TMEM222: variants seen among roughly 807,000 people sequenced by gnomAD.
TMEM222 encodes transmembrane protein 222, also known as chromosome 1 open reading frame 160.
TMEM222 carries 18 observed loss-of-function variants against 25.1 expected under a neutral mutation model. The observed-to-expected ratio is 0.72, with a 90% CI of 0.50 to 1.06. TMEM222 has a LOEUF of 1.06. TMEM222 is among the 50% of genes least tolerant of loss of function. The probability of loss-of-function intolerance (pLI) is 0.00; values close to 1 mark genes in which losing one functional copy is unlikely to be tolerated. For synonymous variants in TMEM222, 131 were observed against 117.9 expected, an observed-to-expected ratio of 1.11 and a Z score of -0.72; for missense variants, 296 against 293.7, an observed-to-expected ratio of 1.01 and a Z score of -0.06.
At chr1:27,325,066 A>G (rs1255730328) in intron 1 of TMEM222, among the ~76,000 whole-genome samples, 2 of 152,142 alleles carry the variant, frequency 1.3e-5, no homozygotes, top group African/African-American at 4.8e-5. Context: ...CCATCGTAGT[A>G]TTACTGTATA....
chr1:27,335,580 G>A lies in TMEM222; in HGVS notation c.*114G>A. ...AAGGCAGGGTTGGGCCTGCTGTTGTGGACCGGGGGTCGGGGCTGGCAGGAT... is the reference window on the plus strand; with the variant it reads ...AAGGCAGGGTTGGGCCTGCTGTTGTAGACCGGGGGTCGGGGCTGGCAGGAT... On this transcript the variant is annotated 3_prime_UTR_variant, in exon 6 of 6. Coordinates refer to ENST00000374076, the MANE Select transcript of TMEM222 (RefSeq NM_032125.3). 1 of 1,043,320 alleles carries A rather than the reference G, an allele frequency of 9.6e-7. No homozygotes were observed. Among genetic ancestry groups the A allele is most frequent in the Non-Finnish European group, 1.4e-6 (1 of 697,494 alleles). 64.6% of individuals were successfully genotyped at this position (1,043,320 alleles called of 1,614,324 possible). A position where few individuals can be genotyped will look rare whatever the true frequency, so the allele number is the denominator to read the frequency against.
At chr1:27,330,640 G>A (rs2014456097) in intron 1 of TMEM222, 80 bp from the exon 2 acceptor site, 2 of 1,180,446 alleles carry the variant, frequency 1.7e-6, no homozygotes, top group Non-Finnish European at 1.3e-6. Context: ...CTTCTGTACT[G>A]TATGAAGGGT....
rs925707230 is a variant in TMEM222, at chr1:27,332,076, A to G, written c.286A>G (p.Asn96Asp). Reference sequence around the variant, plus strand: ...TGCTTTTGTCCCTCAACAGGAGGACAACATGGCCTTTGGAAAGCCTGCCAA... The same window carrying G: ...TGCTTTTGTCCCTCAACAGGAGGACGACATGGCCTTTGGAAAGCCTGCCAA... ...FAGPYFVSED[N>D]MAFGKPAKYW... Residue 96 changes from asparagine to aspartate, a missense_variant, in exon 3 of 6, where the codon AAC becomes GAC. By Grantham distance (23) the Asn-to-Asp change is conservative (BLOSUM62 1). Coordinates refer to ENST00000374076, the MANE Select transcript of TMEM222 (RefSeq NM_032125.3). 6.2e-6 allele frequency: 10 copies of G among 1,614,162 alleles called. No homozygotes were observed. The highest frequency in any genetic ancestry group is 7.6e-6 in the Non-Finnish European group (9 of 1,180,058).
Position 27,322,212 on chromosome 1 carries a change from AGGGAGTTCTCT to A in TMEM222, c.17_27del (p.Gly6AlafsTer107). 1 of 1,413,918 alleles carries A rather than the reference AGGGAGTTCTCT, an allele frequency of 7.1e-7. No homozygotes were observed. Among genetic ancestry groups the A allele is most frequent in the Non-Finnish European group, 9.3e-7 (1 of 1,074,396 alleles). 87.6% of individuals were successfully genotyped at this position (1,413,918 alleles called of 1,614,324 possible). On this transcript the variant is annotated frameshift_variant, in exon 1 of 6. Coordinates refer to ENST00000374076, the MANE Select transcript of TMEM222 (RefSeq NM_032125.3). LOFTEE classifies it high-confidence loss of function. ...GCGCGCGCCGCATGGCGGAAGCGGAAGGGAGTTCTCTGCTCTTGTTGCCGCCGCCGCCACCC... is the reference window on the plus strand; with the variant it reads ...GCGCGCGCCGCATGGCGGAAGCGGAAGCTCTTGTTGCCGCCGCCGCCACCC...
At chr1:27,334,589 T>C (rs1295537346) in intron 5 of TMEM222, 1 of 1,443,472 alleles carries the variant, frequency 6.9e-7, no homozygotes, top group East Asian at 2.6e-5. Context: ...TGATTCCGGC[T>C]CCTCAGGGAG....
Position 27,330,752 on chromosome 1 carries a change from T to C in TMEM222, c.227T>C (p.Ile76Thr). ...TTCCCCATCATCGGCCACATGGGCA[T>C]CTGCACATCCACAGGAGTCATTCGG... ...WFFPIIGHMG[I>T]CTSTGVIRDF... Residue 76 changes from isoleucine to threonine, a missense_variant, in exon 2 of 6, where the codon ATC (isoleucine) becomes ACC (threonine). Coordinates refer to ENST00000374076, the MANE Select transcript of TMEM222 (RefSeq NM_032125.3). 1 of 1,614,218 alleles carries C rather than the reference T, an allele frequency of 6.2e-7. No homozygotes were observed. The highest frequency in any genetic ancestry group is 8.5e-7 in the Non-Finnish European group (1 of 1,180,032).
chr1:27,325,707 G>T, intron 1 of TMEM222: 2 of 857,618 alleles, frequency 2.3e-6, no homozygotes, highest in South Asian at 2.6e-5. Flanking sequence ...CTCCATCCTG[G>T]CCTCACTGTC....
At chr1:27,328,551 C>A (rs2014406551) in intron 1 of TMEM222, among the ~76,000 whole-genome samples, 1 of 152,184 alleles carries the variant, frequency 6.6e-6, no homozygotes, top group Non-Finnish European at 1.5e-5. Context: ...CTCCAGTCTT[C>A]ATTTGAAAGA....
chr1:27,330,920 G>C (rs1377077754), intron 2 of TMEM222, 116 bp downstream of exon 2: 6 of 1,576,866 alleles, frequency 3.8e-6, no homozygotes, highest in Non-Finnish European at 5.2e-6. Context: ...ATAACCCGCA[G>C]TCCTGGCCCT....
In TMEM222 at chr1:27,333,979, T is replaced by C. The variant is rs151104970; in HGVS notation, c.333T>C (p.Ala111=). 41 of 1,614,012 alleles carry C rather than the reference T, an allele frequency of 2.5e-5. No homozygotes were observed. Among genetic ancestry groups the C allele is most frequent in the Non-Finnish European group, 3.3e-5 (39 of 1,179,978 alleles). ...CCAGGTACTGGAAGTTGGACCCTGC[T>C]CAGGTCTATGCTAGCGGGCCCAACG... ...KPAKYWKLDP[A]QVYASGPNAW... Residue 111 remains alanine, a synonymous_variant, in exon 4 of 6, where the codon GCT becomes GCC. Coordinates refer to ENST00000374076, the MANE Select transcript of TMEM222 (RefSeq NM_032125.3).
At position 27,322,298 on chromosome 1, in the gene TMEM222, T is replaced by A; in HGVS notation, c.101T>A (p.Met34Lys). The A allele has an allele frequency of 6.4e-7, 1 of 1,563,114 alleles. No individual in the cohort carries two copies. Residue 34 changes from methionine to lysine, a missense_variant, in exon 1 of 6, where the codon ATG (methionine) becomes AAG (lysine). Coordinates refer to ENST00000374076, the MANE Select transcript of TMEM222 (RefSeq NM_032125.3). ...VEAPTAAETD[M>K]KQYQGSGGVA... ...GCGCCGACGGCGGCCGAGACGGACA[T>A]GAAGCAATATCAAGGCTCCGGCGGC...
At position 27,336,215 on chromosome 1, in the gene TMEM222, G is replaced by C. The variant is rs937965064; in HGVS notation, c.*749G>C. On this transcript the variant is annotated 3_prime_UTR_variant, in exon 6 of 6. Coordinates refer to ENST00000374076, the MANE Select transcript of TMEM222 (RefSeq NM_032125.3). ...CAGGTGTGGACCTCATGCTGGTGAT[G>C]GCTCCCCTGGGTGGCCTGCCAGCAC... is the stretch of plus-strand genomic sequence containing the variant. 6.6e-6 allele frequency: 1 copy of C among 152,440 alleles called. No homozygotes were observed. The highest frequency in any genetic ancestry group is 1.5e-5 in the Non-Finnish European group (1 of 68,226). 9.4% of individuals were successfully genotyped at this position (152,440 alleles called of 1,614,324 possible). A position where few individuals can be genotyped will look rare whatever the true frequency, so the allele number is the denominator to read the frequency against.
At position 27,330,719 on chromosome 1, in the gene TMEM222, G is replaced by A; in HGVS notation, c.195-1G>A. 6.2e-7 allele frequency: 1 copy of A among 1,614,140 alleles called. No homozygotes were observed. Among genetic ancestry groups the A allele is most frequent in the Non-Finnish European group, 8.5e-7 (1 of 1,179,966 alleles). Reference sequence around the variant, plus strand: ...TCCCTTCCCCGTCCTTTTCCTCACAGGTGGTTTTTCCCCATCATCGGCCAC... The same window carrying A: ...TCCCTTCCCCGTCCTTTTCCTCACAAGTGGTTTTTCCCCATCATCGGCCAC... On this transcript the variant is annotated splice_acceptor_variant, in intron 1 of 5. Coordinates refer to ENST00000374076, the MANE Select transcript of TMEM222 (RefSeq NM_032125.3). LOFTEE classifies it high-confidence loss of function.
Position 27,330,643 on chromosome 1 carries a change from T to C in TMEM222, c.195-77T>C, listed in dbSNP as rs1334938633. ...AATATTCACATGCTTCTGTACTGTA[T>C]GAAGGGTCCCCAGCGTCCGTCTAAC... On this transcript the variant is annotated intron_variant, in intron 1 of 5. Coordinates refer to ENST00000374076, the MANE Select transcript of TMEM222 (RefSeq NM_032125.3). 12 of 1,225,590 alleles carry C rather than the reference T, an allele frequency of 9.8e-6. No homozygotes were observed. In the South Asian group the frequency reaches 1.3e-4, roughly 14 times the overall value. The allele number at this position is 1,225,590 out of a possible 1,614,324, so 75.9% of individuals were successfully genotyped here.
Position 27,325,526 on chromosome 1 carries a change from C to T in TMEM222, c.194+3135C>T, listed in dbSNP as rs776661838. 2.3e-5 allele frequency: 33 copies of T among 1,441,024 alleles called. 1 individual carries two copies. The highest frequency in any genetic ancestry group is 1.8e-4 in the Middle Eastern group (1 of 5,702). The allele number at this position is 1,441,024 out of a possible 1,614,324, so 89.3% of individuals were successfully genotyped here. On this transcript the variant is annotated intron_variant, in intron 1 of 5. Transcript: ENST00000374076. ...CGTTCAACTCCATCATGAAGTGTGA[C>T]GTAGACATCCGCAAAGACCTGTACA...
At position 27,333,973 on chromosome 1, in the gene TMEM222, C is replaced by T; in HGVS notation, c.327C>T (p.Asp109=). The T allele has an allele frequency of 6.2e-7, 1 of 1,613,980 alleles. No homozygotes were observed. The highest frequency in any genetic ancestry group is 1.7e-5 in the Admixed American group (1 of 60,012). ...CTCCCCCCAGGTACTGGAAGTTGGA[C>T]CCTGCTCAGGTCTATGCTAGCGGGC... ...FGKPAKYWKL[D]PAQVYASGPN... is the part of the protein sequence containing the mutation. Residue 109 remains aspartate (D), a synonymous_variant, in exon 4 of 6, where the codon GAC becomes GAT. Transcript: ENST00000374076.
rs993625296 is a variant in TMEM222 at position 27,335,861 on chromosome 1, C to G, written c.*395C>G. ...AGGTGGCCCTGGGACCAGAGCTGGT[C>G]CCAGCATGGGGTGCACCGGGTACAC... On this transcript the variant is annotated 3_prime_UTR_variant, in exon 6 of 6. Transcript: ENST00000374076. 14 of 248,478 alleles carry G rather than the reference C, an allele frequency of 5.6e-5. No homozygotes were observed. The highest frequency in any genetic ancestry group is 1.5e-3 in the Middle Eastern group (1 of 660). The allele number at this position is 248,478 out of a possible 1,614,324, so 15.4% of individuals were successfully genotyped here.
At chr1:27,329,916 A>G (rs755635312) in intron 1 of TMEM222, among the ~76,000 whole-genome samples, 5 of 151,934 alleles carry the variant, frequency 3.3e-5, no homozygotes, top group Non-Finnish European at 7.4e-5. Context: ...AGCCTGGCCA[A>G]CGTGATGAAA....
At position 27,335,234 on chromosome 1, in the gene TMEM222, G is replaced by A; in HGVS notation, c.540-145G>A. On this transcript the variant is annotated intron_variant, in intron 5 of 5. Coordinates refer to ENST00000374076, the MANE Select transcript of TMEM222 (RefSeq NM_032125.3). ...GCAACCATGCCCAGCCTGCTTCCTT[G>A]ATTGGCCAAGTTTGGGGTGAGGGGG... 3.9e-6 allele frequency: 3 copies of A among 768,094 alleles called. No individual in the cohort carries two copies. The South Asian group carries it at 4.7e-5, about 12-fold the overall frequency. 47.6% of individuals were successfully genotyped at this position (768,094 alleles called of 1,614,324 possible). A position where few individuals can be genotyped will look rare whatever the true frequency, so the allele number is the denominator to read the frequency against.
Sources: gnomAD v4.1 joint callset for allele counts (sites outside exome capture counted in the v4.1 genomes callset) on GRCh38, gnomAD v4.1.1 for gene constraint, MANE v1.5 for transcripts, NCBI Gene and HGNC (gene_info 2026-07-23, HGNC 2026-07-21) for gene names.